TMEM35A: variants seen among roughly 807,000 people sequenced by gnomAD.
TMEM35A encodes transmembrane protein 35A.
For synonymous variants in TMEM35A, 50 were observed against 54.7 expected (o/e 0.91, Z 0.38); for missense variants, 83 against 132.7 (o/e 0.63, Z 1.84).
rs2089284281 is a variant in TMEM35A at position 101,079,138 on chromosome X, G to C, written c.120+16G>C. 3 of 1,209,404 alleles carry C rather than the reference G, an allele frequency of 2.5e-6. No homozygotes were observed. The South Asian group carries it at 5.3e-5, about 21-fold the overall frequency. ...CAGTGAGATGGTAAGTGAAGCAAAC[G>C]GGTGATGAGGAGCGCACTCCCATGG... On this transcript the variant is annotated intron_variant, in intron 1 of 1. Coordinates refer to ENST00000372930, the MANE Select transcript of TMEM35A (RefSeq NM_021637.3).
chrX:101,094,106 A>G (rs769508442), intron 1 of TMEM35A, among the ~76,000 whole-genome samples: 4 of 110,531 alleles, frequency 3.6e-5, no homozygotes, highest in Non-Finnish European at 7.6e-5. Flanking sequence ...GGATTCCAGC[A>G]GATTGCTTGT....
At chrX:101,088,875 G>A (rs991553422) in intron 1 of TMEM35A, among the ~76,000 whole-genome samples, 7 of 110,298 alleles carry the variant, frequency 6.3e-5, no homozygotes, top group African/African-American at 2.0e-4. Context: ...CTCCAGTGTG[G>A]GTGACAGAGT....
rs746048350 is a variant in TMEM35A at position 101,095,308 on chromosome X, TGTGCGC to T, written c.*354_*359del. The T allele has an allele frequency of 7.8e-4, 73 of 93,963 alleles. No homozygotes were observed. The highest frequency in any genetic ancestry group is 3.7e-3 in the African/African-American group (64 of 17,360). The allele number at this position is 93,963 out of a possible 1,213,427, so 7.7% of individuals were successfully genotyped here. On this transcript the variant is annotated 3_prime_UTR_variant, in exon 2 of 2. Transcript: ENST00000372930. ...TACTCTGTGTGTGTGTGTGTGTGTG[TGTGCGC>T]GCGCGCGCGCACGCGCACACACTCA... is the stretch of plus-strand genomic sequence containing the variant.
intron 1 of TMEM35A, among the ~76,000 whole-genome samples, chrX:101,082,500 A>G (rs1249167815): frequency 9.2e-6 from 1 of 108,342 alleles, no homozygotes; most frequent in Non-Finnish European, 1.9e-5. Flanking sequence ...GATTATGTAT[A>G]AAAGTGTCTG....
Position 101,090,098 on chromosome X carries a change from T to C in TMEM35A, c.121-4475T>C, listed in dbSNP as rs143575059. ...TGTCCATGACCTGGTCTCTCCTGGTTTTCCTCCTGCTTTTCTAACCATACT... is the reference window on the plus strand; with the variant it reads ...TGTCCATGACCTGGTCTCTCCTGGTCTTCCTCCTGCTTTTCTAACCATACT... On this transcript the variant is annotated intron_variant, in intron 1 of 1. Coordinates refer to ENST00000372930, the MANE Select transcript of TMEM35A (RefSeq NM_021637.3). Among the ~76,000 whole-genome samples, 974 of 110,851 alleles carry C rather than the reference T, an allele frequency of 8.8e-3. 8 individuals are homozygous for C. Among genetic ancestry groups the C allele is most frequent in the Non-Finnish European group, 0.013 (690 of 53,050 alleles).
intron 1 of TMEM35A, 120 bp downstream of exon 1, chrX:101,079,242 C>T (rs1166207131): frequency 5.7e-6 from 5 of 873,533 alleles, no homozygotes; most frequent in Non-Finnish European, 7.8e-6. Flanking sequence ...CCTGGACCCT[C>T]CGTTCTCAAC....
chrX:101,082,133 C>CTTTTTTTTTTTTTTTT, intron 1 of TMEM35A, among the ~76,000 whole-genome samples: 27 of 20,461 alleles, frequency 1.3e-3, no homozygotes, highest in Non-Finnish European at 1.8e-3. Context: ...TTCTTTCTTT[C>CTTTTTTTTTTTTTTTT]TTTTTTTTTT....
rs1556381270 is a variant in TMEM35A, at chrX:101,090,169, C to CTTTCTTTTTTTTTTTTTTTTTTTTTT, written c.121-4401_121-4400insCTTTTTTTTTTTTTTTTTTTTTTTTT. ...ACTCTGTCTTTCCATTTCTTTCTTT[C>CTTTCTTTTTTTTTTTTTTTTTTTTTT]TTTTTTTTTTTGAGACAGAGTCTTG... is the stretch of plus-strand genomic sequence containing the variant. On this transcript the variant is annotated intron_variant, in intron 1 of 1. Coordinates refer to ENST00000372930, the MANE Select transcript of TMEM35A (RefSeq NM_021637.3). Among the ~76,000 whole-genome samples, 59 of 97,476 alleles carry CTTTCTTTTTTTTTTTTTTTTTTTTTT rather than the reference C, an allele frequency of 6.1e-4. 3 individuals are homozygous for CTTTCTTTTTTTTTTTTTTTTTTTTTT. Among genetic ancestry groups the CTTTCTTTTTTTTTTTTTTTTTTTTTT allele is most frequent in the African/African-American group, 2.5e-3 (56 of 22,729 alleles). The allele number at this position is 97,476 out of a possible 115,157, so 84.6% of individuals were successfully genotyped here.
Position 101,094,971 on chromosome X carries a change from A to C in TMEM35A, c.*15A>C. On this transcript the variant is annotated 3_prime_UTR_variant, in exon 2 of 2. Transcript: ENST00000372930. ...AGGTGTCATAGAAAAGTGGAAGTGC[A>C]AAGAGTGGACCTTCCAGGCAGTTGC... is the stretch of plus-strand genomic sequence containing the variant. 1.7e-6 allele frequency: 2 copies of C among 1,162,776 alleles called. No homozygotes were observed. Among genetic ancestry groups the C allele is most frequent in the Non-Finnish European group, 1.1e-6 (1 of 876,120 alleles).
rs1569495388 is a variant in TMEM35A at position 101,079,512 on chromosome X, A to T, written c.120+390A>T. Among the ~76,000 whole-genome samples, 3 of 110,991 alleles carry T rather than the reference A, an allele frequency of 2.7e-5. No homozygotes were observed. In the Admixed American group the frequency reaches 2.9e-4, roughly 11 times the overall value. The stretch of plus-strand genomic sequence containing the variant: ...TGAGCTAAGAGTTTAGCAAGCGGAG[A>T]GTTTATTTATTTTAGAGCAGAACAA... On this transcript the variant is annotated intron_variant, in intron 1 of 1. Coordinates refer to ENST00000372930, the MANE Select transcript of TMEM35A (RefSeq NM_021637.3).
In TMEM35A at chrX:101,095,167, G is replaced by A. The variant is rs2089335553; in HGVS notation, c.*211G>A. ...GTGCGCCACCTTTAATCACTCTGGG[G>A]CAACTCTCACATCTTGCTGCATGTA... On this transcript the variant is annotated 3_prime_UTR_variant, in exon 2 of 2. Coordinates refer to ENST00000372930, the MANE Select transcript of TMEM35A (RefSeq NM_021637.3). The A allele has an allele frequency of 4.9e-6, 2 of 410,833 alleles. No homozygotes were observed. The highest frequency in any genetic ancestry group is 9.4e-5 in the South Asian group (2 of 21,388). 33.9% of individuals were successfully genotyped at this position (410,833 alleles called of 1,213,427 possible). A position where few individuals can be genotyped will look rare whatever the true frequency, so the allele number is the denominator to read the frequency against.
chrX:101,086,085 C>T (rs1039904253), intron 1 of TMEM35A, among the ~76,000 whole-genome samples: 2 of 111,384 alleles, frequency 1.8e-5, no homozygotes, highest in Admixed American at 9.6e-5. Context: ...AAATAATTAC[C>T]GTGGCTTGCA....
At chrX:101,081,452 A>G (rs1476801051) in intron 1 of TMEM35A, 1 of 112,257 alleles carries the variant, frequency 8.9e-6, no homozygotes, top group Non-Finnish European at 1.9e-5. Flanking sequence ...GGTTGGGTGA[A>G]TGAATGAGTC....
At chrX:101,090,937 A>T (rs183361168) in intron 1 of TMEM35A, among the ~76,000 whole-genome samples, 445 of 109,829 alleles carry the variant, frequency 4.1e-3, no homozygotes, top group African/African-American at 0.013. Context: ...CCTGGGTTCA[A>T]GCAATTCTCC....
chrX:101,082,504 G>A (rs2089295795), intron 1 of TMEM35A, among the ~76,000 whole-genome samples: 1 of 108,613 alleles, frequency 9.2e-6, no homozygotes. Flanking sequence ...ATGTATAAAA[G>A]TGTCTGGTAC....
intron 1 of TMEM35A, among the ~76,000 whole-genome samples, chrX:101,086,280 T>C (rs1194942680): frequency 9.0e-6 from 1 of 111,522 alleles, no homozygotes; most frequent in Non-Finnish European, 1.9e-5. Flanking sequence ...GCCACCACGC[T>C]TGGCTAATTT....
intron 1 of TMEM35A, among the ~76,000 whole-genome samples, chrX:101,090,169 C>CTTTCTTTTTTTTTTTTTTTTTTTTTTTTT (rs1556381270): frequency 2.1e-5 from 2 of 97,501 alleles, no homozygotes; most frequent in African/African-American, 4.4e-5. Context: ...TTCTTTCTTT[C>CTTTCTTTTTTTTTTTTTTTTTTTTTTTTT]TTTTTTTTTT....
intron 1 of TMEM35A, among the ~76,000 whole-genome samples, chrX:101,088,494 T>C (rs1381126799): frequency 9.0e-6 from 1 of 110,975 alleles, no homozygotes; most frequent in East Asian, 2.8e-4. Context: ...CACAAGCCTG[T>C]AGGCCCAGCT....
chrX:101,091,619 A>T (rs186840233), intron 1 of TMEM35A, among the ~76,000 whole-genome samples: 462 of 111,961 alleles, frequency 4.1e-3, no homozygotes, highest in African/African-American at 0.013. Context: ...TCCAGAGGGA[A>T]TTTCTTTAAA....
Sources: gnomAD v4.1 joint callset for allele counts (sites outside exome capture counted in the v4.1 genomes callset) on GRCh38, gnomAD v4.1.1 for gene constraint, MANE v1.5 for transcripts, NCBI Gene and HGNC (gene_info 2026-07-23, HGNC 2026-07-21) for gene names.